The following DENND1A variants were observed in gnomAD, a reference collection of about 807,000 sequenced individuals.
The protein encoded by DENND1A is DENN domain containing 1A, also known as DENN domain-containing protein 1A.
A neutral mutation model predicts 113.7 loss-of-function variants in DENND1A; 51 were observed. That is an observed-to-expected ratio of 0.45 (90% CI 0.36 to 0.57). The LOEUF is 0.57. Among genes scored for constraint, DENND1A ranks in the 20% least tolerant of loss-of-function variants. DENND1A has a pLI of 0.00. For missense variants in DENND1A, 1,258 were observed against 1,395.9 expected, an observed-to-expected ratio of 0.90 and a Z score of 1.57; for synonymous variants, 565 against 570.8, an observed-to-expected ratio of 0.99 and a Z score of 0.14.
At chr9:123,542,047 A>T (rs2056327864) in intron 13 of DENND1A, among the ~76,000 whole-genome samples, 1 of 152,232 alleles carries the variant, frequency 6.6e-6, no homozygotes, top group Admixed American at 6.5e-5. Context: ...CAGAAAGAGA[A>T]TACATTAAGA....
chr9:123,454,652 G>A (rs1448176901), intron 16 of DENND1A, 87 bp downstream of exon 16: 2 of 1,343,646 alleles, frequency 1.5e-6, no homozygotes, highest in East Asian at 5.0e-5. Context: ...GAGTGCTCCA[G>A]GATGGAAGGG....
chr9:123,872,283 C>A (rs1846756186), intron 2 of DENND1A, among the ~76,000 whole-genome samples: 1 of 152,068 alleles, frequency 6.6e-6, no homozygotes, highest in East Asian at 1.9e-4. Flanking sequence ...AAGCATTATA[C>A]ACAAAGATGT....
In DENND1A at chr9:123,383,856, C is replaced by T; in HGVS notation, c.1818G>A (p.Glu606=). Residue 606 remains glutamate, a synonymous_variant, in exon 23 of 24, where the codon GAG becomes GAA. Coordinates refer to ENST00000394215, the MANE Select transcript of DENND1A (RefSeq NM_001352964.2). ...ESDSAEGDEA[E]SPEQQVRKST... ...ACTTCCGCACTTGCTGCTCTGGACT[C>T]TCTGCCTCGTCGCCTTCCGCGCTGT... is the stretch of plus-strand genomic sequence containing the variant. 6.2e-7 allele frequency: 1 copy of T among 1,613,676 alleles called. No individual in the cohort carries two copies. Among genetic ancestry groups the T allele is most frequent in the Non-Finnish European group, 8.5e-7 (1 of 1,180,034 alleles).
intron 13 of DENND1A, among the ~76,000 whole-genome samples, chr9:123,528,149 A>C (rs1393096978): frequency 6.6e-6 from 1 of 152,222 alleles, no homozygotes; most frequent in African/African-American, 2.4e-5. Flanking sequence ...GATGAAAGAA[A>C]GCTAAAGGCA....
intron 13 of DENND1A, among the ~76,000 whole-genome samples, chr9:123,552,841 G>T (rs1054296170): frequency 6.6e-6 from 1 of 152,354 alleles, no homozygotes; most frequent in Non-Finnish European, 1.5e-5. Flanking sequence ...ACTCACATCC[G>T]TTTACCCAGT....
intron 2 of DENND1A, among the ~76,000 whole-genome samples, chr9:123,848,126 G>T (rs916434396): frequency 6.7e-6 from 1 of 148,690 alleles, no homozygotes; most frequent in East Asian, 2.0e-4. Flanking sequence ...CAGGAGGAGG[G>T]TAAAGATGCC....
At chr9:123,623,165 A>C (rs771257436) in intron 10 of DENND1A, among the ~76,000 whole-genome samples, 3 of 152,236 alleles carry the variant, frequency 2.0e-5, no homozygotes, top group Non-Finnish European at 4.4e-5. Flanking sequence ...AATAAAAACA[A>C]TCTGAGGGAT....
intron 2 of DENND1A, among the ~76,000 whole-genome samples, chr9:123,827,647 C>T (rs915651098): frequency 9.9e-5 from 15 of 151,950 alleles, no homozygotes; most frequent in African/African-American, 3.4e-4. Context: ...GTTTCAAATC[C>T]CCAACAGGAT....
chr9:123,734,873 T>G (rs1365133371), intron 5 of DENND1A, among the ~76,000 whole-genome samples: 2 of 152,188 alleles, frequency 1.3e-5, no homozygotes, highest in African/African-American at 4.8e-5. Context: ...CCGTGTTAGC[T>G]TTCAAGTTGT....
At chr9:123,536,275 GCC>G (rs1415191737) in intron 13 of DENND1A, among the ~76,000 whole-genome samples, 4 of 152,108 alleles carry the variant, frequency 2.6e-5, no homozygotes, top group Non-Finnish European at 5.9e-5. Flanking sequence ...TTCAAGACCA[GCC>G]TGGCCAACAT....
chr9:123,888,592 A>G (rs1275886851), intron 1 of DENND1A, among the ~76,000 whole-genome samples: 1 of 152,220 alleles, frequency 6.6e-6, no homozygotes, highest in African/African-American at 2.4e-5. Flanking sequence ...CGGAGATGCT[A>G]CACCTGAAGA....
At chr9:123,786,970 T>A (rs1832277699) in intron 3 of DENND1A, among the ~76,000 whole-genome samples, 1 of 151,784 alleles carries the variant, frequency 6.6e-6, no homozygotes, top group Admixed American at 6.6e-5. Flanking sequence ...AGAAATGGGA[T>A]ACACCCAAGT....
chr9:123,791,742 T>A (rs1261894547), intron 3 of DENND1A, among the ~76,000 whole-genome samples: 1 of 152,230 alleles, frequency 6.6e-6, no homozygotes, highest in Non-Finnish European at 1.5e-5. Context: ...TTAAGGAAGA[T>A]GCTTTTACTG....
At chr9:123,597,515 C>T (rs2059749415) in intron 11 of DENND1A, among the ~76,000 whole-genome samples, 1 of 152,144 alleles carries the variant, frequency 6.6e-6, no homozygotes, top group Admixed American at 6.5e-5. Flanking sequence ...AAATCATATT[C>T]AGGAGACATG....
chr9:123,673,099 T>C (rs1351539936), intron 6 of DENND1A, among the ~76,000 whole-genome samples: 1 of 152,258 alleles, frequency 6.6e-6, no homozygotes, highest in Non-Finnish European at 1.5e-5. Flanking sequence ...AATTGTCTAA[T>C]GTTTTGTCTA....
intron 12 of DENND1A, among the ~76,000 whole-genome samples, chr9:123,565,554 C>G (rs778651662): frequency 3.3e-5 from 5 of 152,172 alleles, no homozygotes; most frequent in African/African-American, 4.8e-5. Flanking sequence ...TTTCCTCCCC[C>G]CTTTAAGGAC....
chr9:123,633,183 C>G (rs1483646698), intron 9 of DENND1A, among the ~76,000 whole-genome samples: 1 of 152,116 alleles, frequency 6.6e-6, no homozygotes, highest in African/African-American at 2.4e-5. Flanking sequence ...CTTGGGATTA[C>G]AGGCGTGAGC....
At chr9:123,852,826 G>A (rs541322501) in intron 2 of DENND1A, among the ~76,000 whole-genome samples, 86 of 152,108 alleles carry the variant, frequency 5.7e-4, no homozygotes, top group African/African-American at 1.9e-3. Context: ...CAAAAACATT[G>A]GCTGATAAGA....
chr9:123,648,317 T>C (rs190207841), intron 9 of DENND1A, among the ~76,000 whole-genome samples: 1 of 152,328 alleles, frequency 6.6e-6, no homozygotes, highest in East Asian at 1.9e-4. Flanking sequence ...CCTTAAGCAA[T>C]CCTCCCACTT....
Sources: allele counts gnomAD v4.1 joint callset (sites outside exome capture counted in the v4.1 genomes callset), GRCh38; gene constraint gnomAD v4.1.1; transcripts MANE v1.5; gene names NCBI Gene and HGNC (gene_info 2026-07-23, HGNC 2026-07-21).